Variants in CACNA2D2 observed in about 807,000 individuals in gnomAD.
CACNA2D2 encodes voltage-dependent calcium channel subunit alpha-2/delta-2.
Under a neutral mutation model 166.4 loss-of-function variants are expected in CACNA2D2, and 48 were observed. The ratio of observed to expected loss-of-function variants is 0.29; its 90% CI spans 0.23 to 0.37. CACNA2D2 has a LOEUF of 0.37. CACNA2D2 is among the 10% of genes least tolerant of loss of function. CACNA2D2 has a pLI of 1.00. For synonymous variants in CACNA2D2, 561 were observed against 573.7 expected, an observed-to-expected ratio of 0.98 and a Z score of 0.32; for missense variants, 1,122 against 1,433.0, an observed-to-expected ratio of 0.78 and a Z score of 3.50.
chr3:50,404,022 G>C (rs577332387), intron 3 of CACNA2D2, among the ~76,000 whole-genome samples: 31 of 152,246 alleles, frequency 2.0e-4, no homozygotes, highest in Non-Finnish European at 3.7e-4. Context: ...AGCCAGCTCA[G>C]TGAGGAAATG....
At chr3:50,468,382 T>A (rs1038369933) in intron 2 of CACNA2D2, among the ~76,000 whole-genome samples, 1 of 56,782 alleles carries the variant, frequency 1.8e-5, no homozygotes, top group Non-Finnish European at 3.9e-5. Context: ...ATCAGAATAG[T>A]GTGTGTGTGT....
chr3:50,484,694 C>T (rs1463935894), intron 1 of CACNA2D2, among the ~76,000 whole-genome samples: 1 of 152,256 alleles, frequency 6.6e-6, no homozygotes, highest in African/African-American at 2.4e-5. Flanking sequence ...TCCACGTCCC[C>T]TCCTGGGGTG....
Position 50,366,659 on chromosome 3 carries a change from C to A in CACNA2D2, c.2590-34G>T. The A allele has an allele frequency of 6.2e-7, 1 of 1,613,178 alleles. No individual in the cohort carries two copies. Among genetic ancestry groups the A allele is most frequent in the Non-Finnish European group, 8.5e-7 (1 of 1,179,516 alleles). Reference sequence around the variant, plus strand: ...CAGAGAGTGAGGACCGTAAGCCACCCACCAGTTTTCCTCCCTCCCATCACC... The same window carrying A: ...CAGAGAGTGAGGACCGTAAGCCACCAACCAGTTTTCCTCCCTCCCATCACC... On this transcript the variant is annotated intron_variant, in intron 29 of 37. Coordinates refer to ENST00000424201, the MANE Select transcript of CACNA2D2 (RefSeq NM_006030.4). The surrounding 1 kb of genome is among the most constrained non-coding windows in gnomAD (Gnocchi z 5.9).
At chr3:50,491,118 TCCCACTCTGTGCCCCTCCCCGTG>T (rs1027371202) in intron 1 of CACNA2D2, among the ~76,000 whole-genome samples, 1 of 152,168 alleles carries the variant, frequency 6.6e-6, no homozygotes, top group African/African-American at 2.4e-5. Context: ...AGGGCAGAGA[TCCCACTCTGTGCCCCTCCCCGTG>T]CCCATCAGAA....
At chr3:50,460,581 G>A (rs1368567898) in intron 2 of CACNA2D2, among the ~76,000 whole-genome samples, 7 of 152,176 alleles carry the variant, frequency 4.6e-5, no homozygotes, top group South Asian at 2.1e-4. Flanking sequence ...CCGGCTGGGC[G>A]TGGTGGCTCA....
chr3:50,469,688 C>A (rs559905824), intron 2 of CACNA2D2, among the ~76,000 whole-genome samples: 30 of 152,300 alleles, frequency 2.0e-4, no homozygotes, highest in Non-Finnish European at 4.1e-4. Flanking sequence ...CTCAGAGAGG[C>A]AGGACAACAT....
chr3:50,478,019 A>T (rs1697869312), intron 1 of CACNA2D2, among the ~76,000 whole-genome samples: 1 of 152,116 alleles, frequency 6.6e-6, no homozygotes, highest in Non-Finnish European at 1.5e-5. Context: ...CACTAATTGC[A>T]ATTTGCCAAG....
At chr3:50,387,661 C>G in intron 4 of CACNA2D2, 49 bp from the exon 5 acceptor site, 1 of 1,449,940 alleles carries the variant, frequency 6.9e-7, no homozygotes. Context: ...GGTCCCGAGA[C>G]AGACAGGACT....
At chr3:50,490,574 A>T (rs1187894827) in intron 1 of CACNA2D2, among the ~76,000 whole-genome samples, 1 of 152,210 alleles carries the variant, frequency 6.6e-6, no homozygotes, top group Non-Finnish European at 1.5e-5. Flanking sequence ...GATATGTGGG[A>T]GTGGCCTATG....
intron 6 of CACNA2D2, among the ~76,000 whole-genome samples, chr3:50,383,743 C>A (rs1705445213): frequency 6.6e-6 from 1 of 152,178 alleles, no homozygotes; most frequent in Admixed American, 6.5e-5. Context: ...GGGTTGGTAT[C>A]TGTGAGGGGT....
At chr3:50,426,904 T>C (rs9835537) in intron 3 of CACNA2D2, among the ~76,000 whole-genome samples, 43,755 of 152,056 alleles carry the variant, frequency 0.29, 8,901 homozygotes, top group African/African-American at 0.54. Context: ...CTTGGCCATG[T>C]CCCAGCCATG....
chr3:50,462,269 T>C (rs1350593131), intron 2 of CACNA2D2, among the ~76,000 whole-genome samples: 1 of 151,828 alleles, frequency 6.6e-6, no homozygotes, highest in Non-Finnish European at 1.5e-5. Context: ...CGTGCCTGAA[T>C]TCCCAGCTAC....
Position 50,443,712 on chromosome 3 carries a change from C to T in CACNA2D2, c.289-9283G>A, listed in dbSNP as rs80140244. 4.5e-3 allele frequency among the ~76,000 whole-genome samples: 692 copies of T among 152,374 alleles called. 2 individuals are homozygous for T. The highest frequency in any genetic ancestry group is 0.015 in the African/African-American group (642 of 41,582). ...AGACAGACCCAGAGTTGGGCCGCTG[C>T]CTTGCCATCTGGCCTCTTCAACCCC... On this transcript the variant is annotated intron_variant, in intron 2 of 37. Transcript: ENST00000424201.
chr3:50,462,247 G>A (rs1449926198), intron 2 of CACNA2D2, among the ~76,000 whole-genome samples: 1 of 152,046 alleles, frequency 6.6e-6, no homozygotes, highest in African/African-American at 2.4e-5. Context: ...AAACGAGGCA[G>A]GTGTGGTGGT....
intron 2 of CACNA2D2, among the ~76,000 whole-genome samples, chr3:50,439,203 G>A (rs1355970260): frequency 2.0e-5 from 3 of 152,228 alleles, no homozygotes; most frequent in Admixed American, 6.5e-5. Context: ...GGCTTGGGGC[G>A]GATGCAGGCA....
chr3:50,454,015 TG>T (rs956439866), intron 2 of CACNA2D2, among the ~76,000 whole-genome samples: 1 of 152,138 alleles, frequency 6.6e-6, no homozygotes, highest in African/African-American at 2.4e-5. Flanking sequence ...CGGGTTCCGG[TG>T]CCTGCTCTGA....
intron 1 of CACNA2D2, among the ~76,000 whole-genome samples, chr3:50,484,386 T>C (rs1698185960): frequency 2.0e-5 from 3 of 152,098 alleles, no homozygotes; most frequent in African/African-American, 2.4e-5. Flanking sequence ...ACGGCTGGAG[T>C]GCCCTGCTGT....
chr3:50,367,808 C>T lies in CACNA2D2; in HGVS notation c.2234+4G>A, dbSNP rs1371373334. On this transcript the variant is annotated splice_donor_region_variant and intron_variant, in intron 25 of 37. Coordinates refer to ENST00000424201, the MANE Select transcript of CACNA2D2 (RefSeq NM_006030.4). The surrounding 1 kb of genome is among the most constrained non-coding windows in gnomAD (Gnocchi z 6.5). ...TCTGCCCCCACAGGCTGGGTGATGC[C>T]TACGTGTTGAGATCCTGGTCCCTCC... The T allele has an allele frequency of 3.7e-6, 6 of 1,612,370 alleles. No homozygotes were observed. Among genetic ancestry groups the T allele is most frequent in the Non-Finnish European group, 8.5e-7 (1 of 1,179,184 alleles).
At chr3:50,502,845 C>T (rs1358956252) in intron 1 of CACNA2D2, among the ~76,000 whole-genome samples, 2 of 152,264 alleles carry the variant, frequency 1.3e-5, no homozygotes, top group Admixed American at 6.5e-5. Context: ...CCAACTCCGC[C>T]GGACAGGGGT....
Sources: gnomAD v4.1 joint callset for allele counts (sites outside exome capture counted in the v4.1 genomes callset) on GRCh38, gnomAD v4.1.1 for gene constraint, Gnocchi (gnomAD v3.1) non-coding constraint, MANE v1.5 for transcripts, NCBI Gene and HGNC (gene_info 2026-07-23, HGNC 2026-07-21) for gene names.